The following FAM199X variants were observed in gnomAD, a reference collection of about 807,000 sequenced individuals.
FAM199X encodes the protein family with sequence similarity 199, X-linked.
A neutral mutation model predicts 22.9 loss-of-function variants in FAM199X; 4 were observed. That is an observed-to-expected ratio of 0.17 (90% CI 0.09 to 0.40). FAM199X has a LOEUF of 0.40. Ranked by LOEUF, FAM199X falls within the 10% of genes least tolerant of loss-of-function variation. FAM199X has a pLI of 1.00. For synonymous variants in FAM199X, 101 were observed against 112.3 expected (o/e 0.90, Z 0.64); for missense variants, 183 against 306.8 (o/e 0.60, Z 3.01).
At chrX:104,182,092 G>A (rs1222842588) in intron 2 of FAM199X, among the ~76,000 whole-genome samples, 2 of 105,967 alleles carry the variant, frequency 1.9e-5, no homozygotes, top group Admixed American at 1.0e-4. Context: ...GGGTTCAAGC[G>A]ATGCTCCTGC....
intron 1 of FAM199X, among the ~76,000 whole-genome samples, chrX:104,167,377 T>C (rs966706885): frequency 9.2e-5 from 10 of 108,552 alleles, no homozygotes; most frequent in Admixed American, 8.9e-4. Context: ...TAGAGGAATT[T>C]GGATGGCTCA....
chrX:104,167,223 C>G (rs1183749051), intron 1 of FAM199X, among the ~76,000 whole-genome samples: 1 of 106,308 alleles, frequency 9.4e-6, no homozygotes, highest in Non-Finnish European at 1.9e-5. Context: ...CGACTCCTCC[C>G]TTCCCTACCT....
At position 104,179,658 on chromosome X, in the gene FAM199X, C is replaced by G. The variant is rs185578604; in HGVS notation, c.417+3816C>G. Among the ~76,000 whole-genome samples the G allele has an allele frequency of 1.2e-4, 13 of 111,641 alleles. No homozygotes were observed. The East Asian group carries it at 3.6e-3, about 31-fold the overall frequency. On this transcript the variant is annotated intron_variant, in intron 2 of 5. Coordinates refer to ENST00000493442, the MANE Select transcript of FAM199X (RefSeq NM_207318.4). ...TTTAATTCTTGCTTAATTGCCCTAG[C>G]TAGATCTCCTGTACAGTGTTGAATA...
chrX:104,169,990 A>T (rs1168524692), intron 1 of FAM199X, among the ~76,000 whole-genome samples: 1 of 112,504 alleles, frequency 8.9e-6, no homozygotes, highest in Admixed American at 9.4e-5. Context: ...ACCTACATGG[A>T]TTGGTCTAGA....
intron 1 of FAM199X, among the ~76,000 whole-genome samples, chrX:104,172,692 G>A (rs1921388737): frequency 9.2e-6 from 1 of 108,689 alleles, no homozygotes; most frequent in Non-Finnish European, 1.9e-5. Context: ...ACTAAATATG[G>A]CATCTTTTTT....
intron 4 of FAM199X, among the ~76,000 whole-genome samples, chrX:104,186,881 C>T (rs781811278): frequency 2.7e-5 from 3 of 111,382 alleles, no homozygotes; most frequent in East Asian, 2.8e-4. Context: ...TCACCATTTA[C>T]GGAGTGGTTA....
chrX:104,161,930 A>T (rs1921053569), upstream of FAM199X, among the ~76,000 whole-genome samples: 1 of 112,070 alleles, frequency 8.9e-6, no homozygotes, highest in Non-Finnish European at 1.9e-5. Flanking sequence ...TTTCTCAAAA[A>T]TTTTTTTGCC....
intron 2 of FAM199X, among the ~76,000 whole-genome samples, chrX:104,181,981 T>C (rs1420031903): frequency 9.3e-6 from 1 of 107,624 alleles, no homozygotes; most frequent in African/African-American, 3.4e-5. Context: ...TTTTCTTTTT[T>C]CTTTTTTTTC....
chrX:104,186,487 A>C lies in FAM199X; in HGVS notation c.595A>C (p.Lys199Gln). ...QVEYIEYLSRKVSTEMGLREQ... is the reference protein window; with the variant it reads ...QVEYIEYLSRQVSTEMGLREQ... ...GGAATATATTGAGTATCTGAGTCGG[A>C]AAGTGAGTACTGAGATGGGTCTTCG... Residue 199 changes from lysine to glutamine, a missense_variant, in exon 4 of 6, where the codon AAA becomes CAA. Lys to Gln is a moderately conservative substitution (Grantham distance 53). Transcript: ENST00000493442. The C allele has an allele frequency of 8.3e-7, 1 of 1,210,151 alleles. No homozygotes were observed. The highest frequency in any genetic ancestry group is 1.1e-6 in the Non-Finnish European group (1 of 894,907).
At chrX:104,164,139 A>C (rs2147886350), upstream of FAM199X, among the ~76,000 whole-genome samples, 1 of 112,921 alleles carries the variant, frequency 8.9e-6, no homozygotes, top group African/African-American at 3.2e-5. Context: ...TTTTTTACAA[A>C]GTCAGTGTAA....
rs1556379155 is a variant in FAM199X, at chrX:104,186,448, T to C, written c.568-12T>C. 6.7e-6 allele frequency: 8 copies of C among 1,201,388 alleles called. No homozygotes were observed. The highest frequency in any genetic ancestry group is 2.3e-4 in the Middle Eastern group (1 of 4,295). On this transcript the variant is annotated splice_polypyrimidine_tract_variant and intron_variant, in intron 3 of 5. Coordinates refer to ENST00000493442, the MANE Select transcript of FAM199X (RefSeq NM_207318.4). ...TTAGCAATGATCTTATTGTAATTTT[T>C]TCATCACATAGGTGGAATATATTGA...
intron 2 of FAM199X, 21 bp downstream of exon 2, chrX:104,175,863 C>G: frequency 1.8e-6 from 2 of 1,100,938 alleles, no homozygotes; most frequent in Non-Finnish European, 2.5e-6. Flanking sequence ...TTGTCCTTTT[C>G]TTGACATTGT....
upstream of FAM199X, among the ~76,000 whole-genome samples, chrX:104,165,273 T>C (rs1556373472): frequency 8.9e-6 from 1 of 112,537 alleles, no homozygotes; most frequent in Admixed American, 9.4e-5. Context: ...CAAGATAATG[T>C]ATACATTTTA....
At chrX:104,171,208 C>T (rs1455460774) in intron 1 of FAM199X, among the ~76,000 whole-genome samples, 2 of 110,652 alleles carry the variant, frequency 1.8e-5, no homozygotes, top group African/African-American at 6.6e-5. Context: ...ATTGAAAGTC[C>T]TTAGTCTGTA....
chrX:104,161,720 A>G (rs112097650), upstream of FAM199X, among the ~76,000 whole-genome samples: 1 of 110,476 alleles, frequency 9.1e-6, no homozygotes, highest in African/African-American at 3.3e-5. Context: ...TCATGCCTAT[A>G]ATCCCAGCTA....
chrX:104,159,876 G>T, the FAM199X span, among the ~76,000 whole-genome samples: 1 of 112,122 alleles, frequency 8.9e-6, no homozygotes. Context: ...AGAGTACAAG[G>T]GTACCTTGCC....
chrX:104,192,049 C>A lies in FAM199X; in HGVS notation c.*2271C>A, dbSNP rs1602524243. On this transcript the variant is annotated 3_prime_UTR_variant, in exon 6 of 6. Transcript: ENST00000493442. ...GGGTTGAAGGAGATTGAAAATATTT[C>A]CTTTGATTAAAAGAAAATAATTAAC... is the stretch of plus-strand genomic sequence containing the variant. The A allele has an allele frequency of 9.0e-6, 1 of 111,385 alleles. No individual in the cohort carries two copies. The highest frequency in any genetic ancestry group is 3.7e-4 in the South Asian group (1 of 2,677). The allele number at this position is 111,385 out of a possible 1,213,427, so 9.2% of individuals were successfully genotyped here. A position where few individuals can be genotyped will look rare whatever the true frequency, so the allele number is the denominator to read the frequency against.
chrX:104,157,427 G>GT, the FAM199X span, among the ~76,000 whole-genome samples: 1 of 111,078 alleles, frequency 9.0e-6, no homozygotes, highest in Non-Finnish European at 1.9e-5. Context: ...CACAGACTTT[G>GT]AAACCTGAGC....
intron 1 of FAM199X, among the ~76,000 whole-genome samples, chrX:104,173,556 G>A (rs1238487133): frequency 1.8e-5 from 2 of 111,390 alleles, no homozygotes; most frequent in Non-Finnish European, 3.8e-5. Context: ...AATGAAGTGC[G>A]TAATTTAAGA....
Sources: allele counts gnomAD v4.1 joint callset (sites outside exome capture counted in the v4.1 genomes callset), GRCh38; gene constraint gnomAD v4.1.1; transcripts MANE v1.5; gene names NCBI Gene and HGNC (gene_info 2026-07-23, HGNC 2026-07-21).